Variants in SUGCT observed in about 807,000 individuals in gnomAD.
The protein encoded by SUGCT is succinyl-CoA:glutarate-CoA transferase, also known as succinyl-CoA:glutarate CoA-transferase.
Under a neutral mutation model 55.0 loss-of-function variants are expected in SUGCT, and 41 were observed. The observed-to-expected ratio is 0.74, with a 90% CI of 0.58 to 0.97. The LOEUF is 0.97. Ranked by LOEUF, SUGCT falls within the 50% of genes least tolerant of loss-of-function variation. The probability of loss-of-function intolerance (pLI) is 0.00; values close to 1 mark genes in which losing one functional copy is unlikely to be tolerated. For missense variants in SUGCT, 568 were observed against 547.8 expected (o/e 1.04, Z -0.37); for synonymous variants, 187 against 200.4 (o/e 0.93, Z 0.56).
chr7:40,504,823 C>A (rs554310670), intron 12 of SUGCT, among the ~76,000 whole-genome samples: 1 of 152,252 alleles, frequency 6.6e-6, no homozygotes, highest in African/African-American at 2.4e-5. Context: ...AATCAATTCA[C>A]CATTAATATA....
intron 3 of SUGCT, among the ~76,000 whole-genome samples, chr7:40,183,967 A>G (rs928190151): frequency 2.0e-5 from 3 of 152,144 alleles, no homozygotes; most frequent in Non-Finnish European, 4.4e-5. Context: ...TGAGCCCAGG[A>G]GTTCAAGACC....
At chr7:40,393,654 G>A (rs1182716765) in intron 9 of SUGCT, among the ~76,000 whole-genome samples, 1 of 152,138 alleles carries the variant, frequency 6.6e-6, no homozygotes, top group African/African-American at 2.4e-5. Context: ...GAGGGAGTAT[G>A]ACCAATGCAT....
At chr7:40,159,743 C>CT (rs1324927458) in intron 1 of SUGCT, among the ~76,000 whole-genome samples, 1 of 152,116 alleles carries the variant, frequency 6.6e-6, no homozygotes, top group Non-Finnish European at 1.5e-5. Flanking sequence ...CAGAGAAAAA[C>CT]TTTGGCTTCT....
chr7:40,626,901 A>AT (rs1799553819), intron 12 of SUGCT, among the ~76,000 whole-genome samples: 1 of 152,234 alleles, frequency 6.6e-6, no homozygotes, highest in Non-Finnish European at 1.5e-5. Flanking sequence ...TAAAGTTTTC[A>AT]TATCAGCATA....
chr7:40,517,774 A>T (rs1793324796), intron 12 of SUGCT, among the ~76,000 whole-genome samples: 1 of 151,952 alleles, frequency 6.6e-6, no homozygotes, highest in East Asian at 1.9e-4. Context: ...CTTATGGTTG[A>T]TTTGCTGTAG....
chr7:40,293,005 A>G (rs1025748475), intron 8 of SUGCT, among the ~76,000 whole-genome samples: 1 of 152,218 alleles, frequency 6.6e-6, no homozygotes, highest in Non-Finnish European at 1.5e-5. Flanking sequence ...TCTAGAAGAC[A>G]GGTTCAGAGC....
At chr7:40,604,365 A>T (rs983615154) in intron 12 of SUGCT, among the ~76,000 whole-genome samples, 1 of 152,008 alleles carries the variant, frequency 6.6e-6, no homozygotes, top group African/African-American at 2.4e-5. Context: ...TTGTATTTTT[A>T]ATTTTTTCTT....
intron 3 of SUGCT, among the ~76,000 whole-genome samples, chr7:40,187,728 G>T (rs550054789): frequency 6.6e-6 from 1 of 152,338 alleles, no homozygotes; most frequent in East Asian, 1.9e-4. Flanking sequence ...GAGGTCAGGA[G>T]TTCGGAACTA....
rs191870233 is a variant in SUGCT at position 40,311,831 on chromosome 7, A to G, written c.721-4929A>G. Among the ~76,000 whole-genome samples the G allele has an allele frequency of 1.4e-3, 217 of 152,342 alleles. 1 individual carries two copies. Among genetic ancestry groups the G allele is most frequent in the Non-Finnish European group, 2.6e-3 (180 of 68,036 alleles). ...GTTGCTGAATAATTAAACAAGTAGT[A>G]ATTACCATTTTCATTCATTTGTTAA... On this transcript the variant is annotated intron_variant, in intron 8 of 13. Coordinates refer to ENST00000335693, the MANE Select transcript of SUGCT (RefSeq NM_001193313.2).
chr7:40,765,318 A>G (rs1432405089), intron 13 of SUGCT, among the ~76,000 whole-genome samples: 1 of 152,112 alleles, frequency 6.6e-6, no homozygotes, highest in African/African-American at 2.4e-5. Flanking sequence ...GGTATTTTCT[A>G]TGGAATTGGA....
intron 8 of SUGCT, among the ~76,000 whole-genome samples, chr7:40,313,459 A>G (rs1795267517): frequency 6.6e-6 from 1 of 152,188 alleles, no homozygotes; most frequent in Admixed American, 6.5e-5. Context: ...CCTGCCTTAA[A>G]ATACATCCCT....
intron 9 of SUGCT, among the ~76,000 whole-genome samples, chr7:40,409,338 A>T (rs536358977): frequency 4.6e-5 from 7 of 151,106 alleles, no homozygotes; most frequent in African/African-American, 1.7e-4. Context: ...ATCATGGCTC[A>T]CAGCAGCCTT....
chr7:41,013,017 A>AATAT, the SUGCT span, among the ~76,000 whole-genome samples: 260 of 147,856 alleles, frequency 1.8e-3, 1 homozygote, highest in East Asian at 4.4e-3. Flanking sequence ...CTCTGATTTA[A>AATAT]ATATATATAT....
At chr7:40,473,188 A>G (rs970415316) in intron 11 of SUGCT, among the ~76,000 whole-genome samples, 2 of 152,148 alleles carry the variant, frequency 1.3e-5, no homozygotes, top group Non-Finnish European at 2.9e-5. Flanking sequence ...CAATTTATGC[A>G]TGCTGTTTGT....
At chr7:40,476,338 A>G (rs1423373026) in intron 11 of SUGCT, among the ~76,000 whole-genome samples, 2 of 152,154 alleles carry the variant, frequency 1.3e-5, no homozygotes, top group African/African-American at 4.8e-5. Context: ...CAGTTAGTGG[A>G]GCACCACATA....
intron 9 of SUGCT, among the ~76,000 whole-genome samples, chr7:40,448,731 G>C (rs1181814739): frequency 6.6e-6 from 1 of 152,122 alleles, no homozygotes; most frequent in Non-Finnish European, 1.5e-5. Context: ...TGTAGTCCCA[G>C]ATACACAGGA....
At chr7:40,228,230 A>G (rs1788503935) in intron 6 of SUGCT, among the ~76,000 whole-genome samples, 1 of 152,062 alleles carries the variant, frequency 6.6e-6, no homozygotes, top group Admixed American at 6.6e-5. Flanking sequence ...CATTAAATAT[A>G]CAGTTGTTTT....
At chr7:40,474,377 A>T (rs962620862) in intron 11 of SUGCT, among the ~76,000 whole-genome samples, 1 of 152,110 alleles carries the variant, frequency 6.6e-6, no homozygotes, top group Admixed American at 6.6e-5. Context: ...GGGCTCAGTC[A>T]TGTTGGGAAC....
At chr7:40,866,670 C>G in the SUGCT span, among the ~76,000 whole-genome samples, 10 of 151,778 alleles carry the variant, frequency 6.6e-5, no homozygotes, top group African/African-American at 2.2e-4. Flanking sequence ...GACTTGGGCT[C>G]CCACCTCCAA....
Sources: gnomAD v4.1 joint callset for allele counts (sites outside exome capture counted in the v4.1 genomes callset) on GRCh38, gnomAD v4.1.1 for gene constraint, MANE v1.5 for transcripts, NCBI Gene and HGNC (gene_info 2026-07-23, HGNC 2026-07-21) for gene names.